RNF128: variants seen among roughly 807,000 people sequenced by gnomAD.
RNF128 encodes ring finger protein 128, also known as E3 ubiquitin-protein ligase RNF128.
In RNF128, 13 loss-of-function variants were observed where a neutral mutation model predicts 26.2. The ratio of observed to expected loss-of-function variants is 0.50; its 90% confidence interval spans 0.32 to 0.79. The LOEUF is 0.79. Ranked by LOEUF, RNF128 falls within the 30% of genes least tolerant of loss-of-function variation. RNF128 has a pLI of 0.03. For missense variants in RNF128, 315 were observed against 349.7 expected (o/e 0.90, Z 0.79); for synonymous variants, 149 against 142.5 (o/e 1.05, Z -0.32).
Position 106,785,048 on chromosome X carries a change from T to C in RNF128, c.733-17T>C. On this transcript the variant is annotated splice_polypyrimidine_tract_variant and intron_variant, in intron 2 of 6. Coordinates refer to ENST00000255499, the MANE Select transcript of RNF128 (RefSeq NM_194463.2). The stretch of plus-strand genomic sequence containing the variant: ...AAAAAATAGTTTTTCTAATACCTGC[T>C]GTTTTTTTTTTTACAGAGGCAATTA... 1 of 1,058,676 alleles carries C rather than the reference T, an allele frequency of 9.4e-7. No homozygotes were observed. Among genetic ancestry groups the C allele is most frequent in the Non-Finnish European group, 1.3e-6 (1 of 779,643 alleles). 87.2% of individuals were successfully genotyped at this position (1,058,676 alleles called of 1,213,427 possible).
chrX:106,718,915 G>C (rs1362652561), intron 1 of RNF128, among the ~76,000 whole-genome samples: 2 of 111,519 alleles, frequency 1.8e-5, no homozygotes, highest in Admixed American at 1.9e-4. Context: ...TGTTTACTCC[G>C]AGTTATTGAT....
chrX:106,759,555 T>G (rs1435516784), intron 1 of RNF128, among the ~76,000 whole-genome samples: 1 of 111,644 alleles, frequency 9.0e-6, no homozygotes, highest in Non-Finnish European at 1.9e-5. Context: ...AAGAGACAAA[T>G]GGATAAAGAA....
chrX:106,794,039 A>G (rs1930873501), intron 6 of RNF128, among the ~76,000 whole-genome samples: 2 of 111,736 alleles, frequency 1.8e-5, no homozygotes, highest in African/African-American at 3.2e-5. Flanking sequence ...TCTTGCTTGC[A>G]GTAATTATTG....
intron 2 of RNF128, 125 bp from the exon 3 acceptor site, chrX:106,784,940 A>G (rs1930629077): frequency 2.1e-6 from 1 of 487,056 alleles, no homozygotes; most frequent in East Asian, 4.0e-5. Flanking sequence ...ATTAAGTTTT[A>G]TCTTTTAAAA....
At chrX:106,753,708 A>T in intron 1 of RNF128, among the ~76,000 whole-genome samples, 1 of 112,209 alleles carries the variant, frequency 8.9e-6, no homozygotes, top group East Asian at 2.8e-4. Flanking sequence ...TCCTTAAGAA[A>T]CACACTTCAC....
chrX:106,734,814 C>T (rs1929563771), intron 1 of RNF128, among the ~76,000 whole-genome samples: 1 of 112,020 alleles, frequency 8.9e-6, no homozygotes, highest in South Asian at 3.7e-4. Context: ...AGGGAATGCC[C>T]TCTTGCAGCA....
intron 2 of RNF128, among the ~76,000 whole-genome samples, chrX:106,782,605 C>A (rs1486939891): frequency 2.7e-5 from 3 of 112,131 alleles, no homozygotes; most frequent in Non-Finnish European, 3.8e-5. Context: ...TTTACTTTTT[C>A]AACCCTCCAC....
intron 1 of RNF128, among the ~76,000 whole-genome samples, chrX:106,701,830 A>G (rs1315743576): frequency 9.0e-6 from 1 of 111,667 alleles, no homozygotes; most frequent in Non-Finnish European, 1.9e-5. Flanking sequence ...AAATAGAAAT[A>G]TATGGGCAAA....
chrX:106,718,323 C>CCT (rs1385358177), intron 1 of RNF128, among the ~76,000 whole-genome samples: 5 of 111,477 alleles, frequency 4.5e-5, no homozygotes, highest in African/African-American at 1.3e-4. Flanking sequence ...TCTTTTTCCC[C>CCT]CTCTCGAAAA....
At chrX:106,769,310 G>A (rs1171678718) in intron 1 of RNF128, among the ~76,000 whole-genome samples, 1 of 110,686 alleles carries the variant, frequency 9.0e-6, no homozygotes, top group Non-Finnish European at 1.9e-5. Flanking sequence ...TGTTGACAGT[G>A]GGGTTTTAAA....
chrX:106,749,762 G>A (rs1047480715), intron 1 of RNF128, among the ~76,000 whole-genome samples: 7 of 110,359 alleles, frequency 6.3e-5, no homozygotes, highest in Admixed American at 1.9e-4. Flanking sequence ...AAAATTACCC[G>A]GGTGTGGTGG....
intron 1 of RNF128, among the ~76,000 whole-genome samples, chrX:106,698,488 A>G (rs1008203412): frequency 9.0e-6 from 1 of 111,650 alleles, no homozygotes; most frequent in African/African-American, 3.3e-5. Flanking sequence ...AAATAAAAGC[A>G]TGGTATATAA....
rs186936647 is a variant in RNF128, at chrX:106,714,536, A to G, written c.406+20128A>G. On this transcript the variant is annotated intron_variant, in intron 1 of 6. Coordinates refer to the RNF128 transcript ENST00000324342. ...CAACCAGGAAATTGGAGTTGATACA[A>G]TCCACCCACCTTACTCGAATTTCAC... Among the ~76,000 whole-genome samples, 71 of 111,363 alleles carry G rather than the reference A, an allele frequency of 6.4e-4. 1 individual carries two copies. Among genetic ancestry groups the G allele is most frequent in the Non-Finnish European group, 9.4e-5 (5 of 53,047 alleles).
rs1410222203 is a variant in RNF128 at position 106,700,909 on chromosome X, T to G, written c.406+6501T>G. 1.9e-4 allele frequency among the ~76,000 whole-genome samples: 21 copies of G among 112,191 alleles called. No homozygotes were observed. In the East Asian group the frequency reaches 5.8e-3, roughly 31 times the overall value. The stretch of plus-strand genomic sequence containing the variant: ...CATTCTTTTAACTATTGCATTATAT[T>G]AATATTGCACACACACACATAATTT... On this transcript the variant is annotated intron_variant, in intron 1 of 6. Coordinates refer to the RNF128 transcript ENST00000324342.
chrX:106,717,868 A>C (rs761683703), intron 1 of RNF128, among the ~76,000 whole-genome samples: 1 of 112,147 alleles, frequency 8.9e-6, no homozygotes, highest in South Asian at 3.7e-4. Flanking sequence ...ATTCACTGCT[A>C]CCTATTACAA....
At chrX:106,788,397 TATATATAATATATA>T (rs1189587784) in intron 4 of RNF128, among the ~76,000 whole-genome samples, 1 of 41,481 alleles carries the variant, frequency 2.4e-5, no homozygotes, top group Non-Finnish European at 3.5e-5. Flanking sequence ...TAATATATAT[TATATATAATATATA>T]ATATATAATA....
chrX:106,749,672 A>G (rs1234092456), intron 1 of RNF128, among the ~76,000 whole-genome samples: 2 of 111,922 alleles, frequency 1.8e-5, no homozygotes, highest in African/African-American at 6.5e-5. Context: ...TTAGGAGGCC[A>G]TGGTGGGAGG....
chrX:106,747,485 A>C (rs897362687), intron 1 of RNF128, among the ~76,000 whole-genome samples: 1 of 111,321 alleles, frequency 9.0e-6, no homozygotes, highest in Non-Finnish European at 1.9e-5. Context: ...AAATGTAGTG[A>C]TCTTCCTTTG....
intron 1 of RNF128, among the ~76,000 whole-genome samples, chrX:106,732,604 T>A (rs1929519391): frequency 9.0e-6 from 1 of 111,320 alleles, no homozygotes; most frequent in South Asian, 3.8e-4. Flanking sequence ...ATAATTAAGG[T>A]AAAGTCCCTG....
Sources: allele counts gnomAD v4.1 joint callset (sites outside exome capture counted in the v4.1 genomes callset), GRCh38; gene constraint gnomAD v4.1.1; transcripts MANE v1.5; gene names NCBI Gene and HGNC (gene_info 2026-07-23, HGNC 2026-07-21).